Variants in FBXW11 observed in about 807,000 individuals in gnomAD.
FBXW11 encodes the protein F-box and WD repeat domain containing 11.
FBXW11 carries 19 observed loss-of-function variants against 77.6 expected under a neutral mutation model. That is an observed-to-expected ratio of 0.24 (90% confidence interval 0.17 to 0.36). The LOEUF (loss-of-function observed/expected upper bound fraction) is 0.36. FBXW11 is among the 10% of genes least tolerant of loss of function. FBXW11 has a pLI of 1.00. For missense variants in FBXW11, 334 were observed against 704.2 expected (o/e 0.47, Z 5.95); for synonymous variants, 235 against 249.4 (o/e 0.94, Z 0.54).
chr5:171,883,977 TC>T (rs775528482), intron 7 of FBXW11, among the ~76,000 whole-genome samples: 17 of 152,352 alleles, frequency 1.1e-4, no homozygotes, highest in South Asian at 6.2e-4. Flanking sequence ...GAAGATTTTC[TC>T]CCACTCTGTG....
At chr5:171,972,511 A>AAG in intron 1 of FBXW11, among the ~76,000 whole-genome samples, 1 of 147,960 alleles carries the variant, frequency 6.8e-6, no homozygotes, top group South Asian at 2.1e-4. Context: ...ATAAAAAAAA[A>AAG]AAAAAAAAAA....
chr5:171,946,060 T>C (rs1316367454), intron 2 of FBXW11, among the ~76,000 whole-genome samples: 1 of 152,186 alleles, frequency 6.6e-6, no homozygotes, highest in Non-Finnish European at 1.5e-5. Flanking sequence ...TTACCCACCA[T>C]AATGTAGGTA....
At chr5:171,935,078 C>T (rs1762403607) in intron 2 of FBXW11, among the ~76,000 whole-genome samples, 1 of 152,164 alleles carries the variant, frequency 6.6e-6, no homozygotes. Flanking sequence ...CTCAGACTCC[C>T]GAGCAGCTGG....
intron 1 of FBXW11, among the ~76,000 whole-genome samples, chr5:171,961,336 A>G (rs567630767): frequency 3.9e-5 from 6 of 152,228 alleles, no homozygotes; most frequent in Non-Finnish European, 8.8e-5. Context: ...CCATTTGGTA[A>G]GAACACAGAC....
At chr5:172,002,394 G>A (rs1003708288) in intron 1 of FBXW11, among the ~76,000 whole-genome samples, 66 of 150,614 alleles carry the variant, frequency 4.4e-4, no homozygotes, top group African/African-American at 1.6e-3. Flanking sequence ...AGGTCAGTGA[G>A]GTCCATATAT....
At chr5:171,972,513 A>AAAG (rs1324527445) in intron 1 of FBXW11, among the ~76,000 whole-genome samples, 2 of 148,830 alleles carry the variant, frequency 1.3e-5, no homozygotes, top group African/African-American at 4.9e-5. Flanking sequence ...AAAAAAAAAA[A>AAAG]AAAAAAAAAA....
At chr5:171,951,261 T>G (rs1483233522) in intron 2 of FBXW11, among the ~76,000 whole-genome samples, 1 of 151,494 alleles carries the variant, frequency 6.6e-6, no homozygotes. Context: ...GCCACCGGGA[T>G]CAGTGGCTCA....
chr5:172,006,568 A>ACGGCGGAGG lies in FBXW11; in HGVS notation c.-75_-67dup. On this transcript the variant is annotated 5_prime_UTR_variant, in exon 1 of 14. Transcript: ENST00000517395. ...GCGAACGGCCCGGGCGGAGGAGGCGACGGCGGAGGCGGCAGAGGCGGAGGC... is the reference window on the plus strand; with the variant it reads ...GCGAACGGCCCGGGCGGAGGAGGCGACGGCGGAGGCGGCGGAGGCGGCAGAGGCGGAGGC... 2.1e-6 allele frequency: 3 copies of ACGGCGGAGG among 1,439,106 alleles called. No homozygotes were observed. Among genetic ancestry groups the ACGGCGGAGG allele is most frequent in the Non-Finnish European group, 2.7e-6 (3 of 1,092,912 alleles). 89.1% of individuals were successfully genotyped at this position (1,439,106 alleles called of 1,614,324 possible).
chr5:171,981,489 A>C (rs551660906), intron 1 of FBXW11, among the ~76,000 whole-genome samples: 50 of 152,322 alleles, frequency 3.3e-4, no homozygotes, highest in African/African-American at 1.0e-3. Context: ...AAGTGGGGGC[A>C]GTCTTTTGGT....
chr5:171,913,874 CAA>C (rs1761061863), intron 3 of FBXW11, among the ~76,000 whole-genome samples: 2 of 149,736 alleles, frequency 1.3e-5, no homozygotes, highest in Non-Finnish European at 3.0e-5. Context: ...CACACACACA[CAA>C]CCTGGGAAAT....
intron 2 of FBXW11, among the ~76,000 whole-genome samples, chr5:171,939,603 G>A (rs1762643305): frequency 6.6e-6 from 1 of 150,850 alleles, no homozygotes. Flanking sequence ...GAGGCTGAGT[G>A]GGGAGGATCA....
chr5:171,910,967 G>T (rs1760846594), intron 3 of FBXW11, among the ~76,000 whole-genome samples, 170 bp from the exon 4 acceptor site: 3 of 152,040 alleles, frequency 2.0e-5, no homozygotes, highest in Admixed American at 6.6e-5. Context: ...TGTATTCAGG[G>T]TCTGTGTCCT....
intron 7 of FBXW11, among the ~76,000 whole-genome samples, chr5:171,884,306 C>T (rs958967483): frequency 6.6e-6 from 1 of 152,160 alleles, no homozygotes; most frequent in African/African-American, 2.4e-5. Context: ...GTCCTTTCCC[C>T]ACTTTTATAT....
chr5:171,950,410 GA>G lies in FBXW11; in HGVS notation c.147+7186del, dbSNP rs796632462. Among the ~76,000 whole-genome samples the G allele has an allele frequency of 9.5e-3, 1,308 of 138,348 alleles. 21 individuals are homozygous for G. The highest frequency in any genetic ancestry group is 0.032 in the African/African-American group (1,227 of 38,038). The allele number at this position is 138,348 out of a possible 152,430, so 90.8% of individuals were successfully genotyped here. On this transcript the variant is annotated intron_variant, in intron 2 of 13. Coordinates refer to ENST00000517395, the MANE Select transcript of FBXW11 (RefSeq NM_001378974.1). ...ACACTTTATACTTCAAAAATGGAAA[GA>G]AAAAAAAAAACACCTGTACTCTCGC...
intron 1 of FBXW11, among the ~76,000 whole-genome samples, chr5:172,002,517 G>GGT (rs1287690359): frequency 6.6e-6 from 1 of 150,438 alleles, no homozygotes; most frequent in Non-Finnish European, 1.5e-5. Flanking sequence ...CACCCCTAGT[G>GGT]GTGTGCTACA....
chr5:171,960,073 G>C (rs1409679258), intron 1 of FBXW11, among the ~76,000 whole-genome samples: 2 of 145,764 alleles, frequency 1.4e-5, no homozygotes, highest in Non-Finnish European at 3.1e-5. Context: ...GGGCAAAGAA[G>C]AGAGTTTAAG....
chr5:171,866,642 A>G (rs1343482458), intron 13 of FBXW11, among the ~76,000 whole-genome samples: 1 of 152,208 alleles, frequency 6.6e-6, no homozygotes, highest in Non-Finnish European at 1.5e-5. Flanking sequence ...CTATTGTAAT[A>G]CACCAGAAAA....
chr5:171,888,549 A>G (rs986168139), intron 7 of FBXW11, among the ~76,000 whole-genome samples: 1 of 152,226 alleles, frequency 6.6e-6, no homozygotes, highest in Non-Finnish European at 1.5e-5. Context: ...GAACCCAACT[A>G]AGTTGACTAA....
At chr5:171,867,251 T>A (rs185504494) in intron 13 of FBXW11, among the ~76,000 whole-genome samples, 75 of 152,306 alleles carry the variant, frequency 4.9e-4, no homozygotes, top group Non-Finnish European at 9.4e-4. Context: ...AAGGTCTCTG[T>A]TGCAACTACT....
Sources: gnomAD v4.1 joint callset for allele counts (sites outside exome capture counted in the v4.1 genomes callset) on GRCh38, gnomAD v4.1.1 for gene constraint, MANE v1.5 for transcripts, NCBI Gene and HGNC (gene_info 2026-07-23, HGNC 2026-07-21) for gene names.